MAN1C1: variants seen among roughly 807,000 people sequenced by gnomAD.
MAN1C1 encodes mannosyl-oligosaccharide 1,2-alpha-mannosidase IC.
In MAN1C1, 49 loss-of-function variants were observed where a neutral mutation model predicts 71.5. That is an observed-to-expected ratio of 0.69 (90% CI 0.54 to 0.87). MAN1C1 has a LOEUF of 0.87. Ranked by LOEUF, MAN1C1 falls within the 40% of genes least tolerant of loss-of-function variation. The probability of loss-of-function intolerance (pLI) is 0.00; values close to 1 mark genes in which losing one functional copy is unlikely to be tolerated. For synonymous variants in MAN1C1, 352 were observed against 343.7 expected (o/e 1.02, Z -0.27); for missense variants, 743 against 835.0 (o/e 0.89, Z 1.36).
intron 2 of MAN1C1, among the ~76,000 whole-genome samples, chr1:25,695,988 A>G (rs533398141): frequency 6.6e-6 from 1 of 152,284 alleles, no homozygotes; most frequent in East Asian, 1.9e-4. Flanking sequence ...TCTTCTTGGA[A>G]TCTGAGATTT....
chr1:25,726,084 G>A (rs188922216), intron 2 of MAN1C1, among the ~76,000 whole-genome samples: 1 of 152,368 alleles, frequency 6.6e-6, no homozygotes, highest in East Asian at 1.9e-4. Context: ...TGCTCCGACT[G>A]TAGCCCCTCT....
intron 2 of MAN1C1, among the ~76,000 whole-genome samples, chr1:25,717,220 G>C (rs2046692571): frequency 6.6e-6 from 1 of 152,124 alleles, no homozygotes; most frequent in African/African-American, 2.4e-5. Flanking sequence ...AACTTTGTAA[G>C]AATTTGCTGG....
intron 2 of MAN1C1, among the ~76,000 whole-genome samples, chr1:25,699,306 A>T (rs959985989): frequency 2.9e-5 from 4 of 137,722 alleles, no homozygotes; most frequent in Middle Eastern, 3.9e-3. Flanking sequence ...ATCTTAAATT[A>T]AAAAAAAAAA....
At chr1:25,626,766 C>A (rs192767590) in intron 1 of MAN1C1, among the ~76,000 whole-genome samples, 14 of 152,114 alleles carry the variant, frequency 9.2e-5, no homozygotes, top group African/African-American at 3.4e-4. Flanking sequence ...TGCAAGAATG[C>A]TTCATATATT....
chr1:25,643,562 C>G (rs7526696), intron 1 of MAN1C1, among the ~76,000 whole-genome samples: 1 of 145,032 alleles, frequency 6.9e-6, no homozygotes, highest in Non-Finnish European at 1.5e-5. Flanking sequence ...TGACCCACCA[C>G]GCCTGGCCTT....
intron 2 of MAN1C1, among the ~76,000 whole-genome samples, chr1:25,729,005 G>A (rs1298656649): frequency 3.9e-5 from 6 of 152,210 alleles, no homozygotes; most frequent in Non-Finnish European, 7.3e-5. Flanking sequence ...TGCTGTTCCA[G>A]CCTTCTCGGC....
At chr1:25,679,470 A>G (rs1409719507) in intron 1 of MAN1C1, among the ~76,000 whole-genome samples, 1 of 152,052 alleles carries the variant, frequency 6.6e-6, no homozygotes, top group Non-Finnish European at 1.5e-5. Flanking sequence ...ATTCTGTTGT[A>G]ATTTATAAAA....
At chr1:25,720,216 T>C (rs1448338566) in intron 2 of MAN1C1, among the ~76,000 whole-genome samples, 2 of 151,950 alleles carry the variant, frequency 1.3e-5, no homozygotes, top group Non-Finnish European at 2.9e-5. Flanking sequence ...TTTTTTTTTT[T>C]CTTAATTTTT....
intron 7 of MAN1C1, among the ~76,000 whole-genome samples, chr1:25,767,014 C>T (rs1346022782): frequency 3.3e-5 from 5 of 151,956 alleles, no homozygotes; most frequent in Non-Finnish European, 7.4e-5. Flanking sequence ...GTGCCCCCTT[C>T]ACACATCTGC....
intron 2 of MAN1C1, among the ~76,000 whole-genome samples, chr1:25,693,847 A>G (rs2046337341): frequency 6.6e-6 from 1 of 152,130 alleles, no homozygotes; most frequent in Non-Finnish European, 1.5e-5. Context: ...TCTGCACCTA[A>G]TTTCCCCATC....
intron 1 of MAN1C1, among the ~76,000 whole-genome samples, chr1:25,684,746 T>C (rs987365139): frequency 6.6e-6 from 1 of 152,198 alleles, no homozygotes; most frequent in Non-Finnish European, 1.5e-5. Context: ...GGTGGTGATA[T>C]CCTAGAAAGT....
In MAN1C1 at chr1:25,748,149, T is replaced by G. The variant is rs565406665; in HGVS notation, c.754-1106T>G. Reference sequence around the variant, plus strand: ...GCTCAGGCAGCTGCCCACAGTGCCTTAGGAGCTGGGGGACACTCAGGCAGG... The same window carrying G: ...GCTCAGGCAGCTGCCCACAGTGCCTGAGGAGCTGGGGGACACTCAGGCAGG... On this transcript the variant is annotated intron_variant, in intron 3 of 11. Transcript: ENST00000374332. 1.3e-4 allele frequency among the ~76,000 whole-genome samples: 20 copies of G among 152,164 alleles called. No homozygotes were observed. In the East Asian group the frequency reaches 3.9e-3, roughly 29 times the overall value.
intron 7 of MAN1C1, among the ~76,000 whole-genome samples, chr1:25,767,450 A>G (rs1361824453): frequency 1.1e-5 from 1 of 92,248 alleles, no homozygotes; most frequent in East Asian, 3.4e-4. Flanking sequence ...ACACTCCACC[A>G]TACACACAGA....
At chr1:25,744,956 G>A (rs2047108924) in intron 2 of MAN1C1, among the ~76,000 whole-genome samples, 1 of 152,184 alleles carries the variant, frequency 6.6e-6, no homozygotes. Context: ...GTTACACTCT[G>A]GTCCCTAAAG....
intron 2 of MAN1C1, among the ~76,000 whole-genome samples, chr1:25,727,900 G>C (rs527462437): frequency 3.9e-5 from 6 of 152,370 alleles, no homozygotes; most frequent in Admixed American, 3.9e-4. Flanking sequence ...CGTGGGGGCC[G>C]TGCAGACACA....
chr1:25,685,774 C>A (rs2046221273), intron 1 of MAN1C1, among the ~76,000 whole-genome samples: 1 of 152,178 alleles, frequency 6.6e-6, no homozygotes, highest in African/African-American at 2.4e-5. Context: ...TTGTTTCTAG[C>A]CTCAAGGAGT....
chr1:25,757,111 G>T (rs977798870), intron 5 of MAN1C1, among the ~76,000 whole-genome samples: 2 of 152,204 alleles, frequency 1.3e-5, no homozygotes, highest in African/African-American at 4.8e-5. Context: ...CCAGCCCCAA[G>T]AATGGAGTTT....
rs991044196 is a variant in MAN1C1 at position 25,634,598 on chromosome 1, T to C, written c.540+16261T>C. Among the ~76,000 whole-genome samples the C allele has an allele frequency of 2.0e-5, 3 of 152,140 alleles. No individual in the cohort carries two copies. Among genetic ancestry groups the C allele is most frequent in the Admixed American group, 6.5e-5 (1 of 15,270 alleles). On this transcript the variant is annotated intron_variant, in intron 1 of 11. Coordinates refer to ENST00000374332, the MANE Select transcript of MAN1C1 (RefSeq NM_020379.4). This position sits in a 1 kb window ranked among gnomAD's most constrained non-coding sequence, Gnocchi z 4.6. ...ACTTTGAGAGGCTGAGGTGGGAGGA[T>C]TGCCTGAGCTCAGCAGTTCGAGACC...
chr1:25,771,589 G>T, intron 7 of MAN1C1, 68 bp from the exon 8 acceptor site: 1 of 1,233,174 alleles, frequency 8.1e-7, no homozygotes, highest in Non-Finnish European at 1.2e-6. Context: ...AGGCGGGTGT[G>T]CGAGGCCCTG....
Sources: gnomAD v4.1 joint callset for allele counts (sites outside exome capture counted in the v4.1 genomes callset) on GRCh38, gnomAD v4.1.1 for gene constraint, Gnocchi (gnomAD v3.1) non-coding constraint, MANE v1.5 for transcripts, NCBI Gene and HGNC (gene_info 2026-07-23, HGNC 2026-07-21) for gene names.